The following SULF2 variants were observed in gnomAD, a reference collection of about 807,000 sequenced individuals.
The protein encoded by SULF2 is sulfatase 2.
SULF2 carries 52 observed loss-of-function variants against 107.7 expected under a neutral mutation model. That is an observed-to-expected ratio of 0.48 (90% CI 0.39 to 0.61). The LOEUF (loss-of-function observed/expected upper bound fraction) is 0.61. Ranked by LOEUF, SULF2 falls within the 20% of genes least tolerant of loss-of-function variation. The pLI is 0.00. For missense variants in SULF2, 993 were observed against 1,177.3 expected, an observed-to-expected ratio of 0.84 and a Z score of 2.29; for synonymous variants, 460 against 464.3, an observed-to-expected ratio of 0.99 and a Z score of 0.12.
intron 5 of SULF2, among the ~76,000 whole-genome samples, chr20:47,687,724 T>C (rs1278007760): frequency 6.6e-6 from 1 of 151,926 alleles, no homozygotes; most frequent in Non-Finnish European, 1.5e-5. Context: ...TTTTTTTTTT[T>C]CGAGACAGGG....
In SULF2 at chr20:47,711,504, C is replaced by T. The variant is rs541816432; in HGVS notation, c.416-8834G>A. Among the ~76,000 whole-genome samples, 9 of 152,342 alleles carry T rather than the reference C, an allele frequency of 5.9e-5. No homozygotes were observed. The East Asian group carries it at 1.7e-3, about 29-fold the overall frequency. On this transcript the variant is annotated intron_variant, in intron 3 of 20. Coordinates refer to ENST00000688720, the MANE Select transcript of SULF2 (RefSeq NM_001387048.1). ...GCACCCGCTGCTTTCGGAGGACTTT[C>T]TCTCCCCCACGACGGGCCATCTGGC...
chr20:47,665,326 C>G, intron 13 of SULF2, 33 bp from the exon 14 acceptor site: 1 of 1,378,578 alleles, frequency 7.3e-7, no homozygotes, highest in Non-Finnish European at 1.0e-6. Flanking sequence ...GGCCTTGAAA[C>G]CTTCAAGGCT....
intron 2 of SULF2, among the ~76,000 whole-genome samples, chr20:47,754,816 G>A (rs772355703): frequency 1.1e-4 from 17 of 152,174 alleles, no homozygotes; most frequent in Non-Finnish European, 2.2e-4. Context: ...CTAAGATCAC[G>A]CGTTCTGGGT....
intron 17 of SULF2, among the ~76,000 whole-genome samples, chr20:47,662,651 T>C (rs1410843820): frequency 1.3e-5 from 2 of 152,230 alleles, no homozygotes; most frequent in Non-Finnish European, 2.9e-5. Flanking sequence ...TTAGATGGCT[T>C]ACTGTACGGA....
chr20:47,679,617 C>T (rs1335636687), intron 7 of SULF2, among the ~76,000 whole-genome samples: 1 of 152,194 alleles, frequency 6.6e-6, no homozygotes, highest in Non-Finnish European at 1.5e-5. Context: ...CCTCTGCTTG[C>T]ACTTGACCTG....
intron 13 of SULF2, 59 bp downstream of exon 13, chr20:47,665,798 G>C: frequency 1.4e-6 from 2 of 1,446,398 alleles, no homozygotes; most frequent in East Asian, 2.3e-5. Context: ...ACTGTGAACC[G>C]GGGGTCCTGC....
At chr20:47,768,229 G>A (rs1177238726) in intron 1 of SULF2, among the ~76,000 whole-genome samples, 2 of 152,220 alleles carry the variant, frequency 1.3e-5, no homozygotes, top group South Asian at 2.1e-4. Flanking sequence ...ACACAGCAGT[G>A]CTGTGAAATG....
At chr20:47,664,614 GTGTTTTGCAACAC>G (rs2087200875) in intron 14 of SULF2, among the ~76,000 whole-genome samples, 2 of 152,198 alleles carry the variant, frequency 1.3e-5, no homozygotes, top group South Asian at 4.1e-4. Flanking sequence ...AGGGAAGCCT[GTGTTTTGCAACAC>G]TTTCTGGAAA....
At chr20:47,691,511 C>T (rs1306573384) in intron 4 of SULF2, among the ~76,000 whole-genome samples, 9 of 152,170 alleles carry the variant, frequency 5.9e-5, no homozygotes, top group Non-Finnish European at 2.9e-5. Flanking sequence ...GCCCAGGTAT[C>T]AGACTTTTAA....
At chr20:47,767,888 G>A (rs113025183) in intron 1 of SULF2, among the ~76,000 whole-genome samples, 2,913 of 148,726 alleles carry the variant, frequency 0.02, 48 homozygotes, top group South Asian at 0.04. Context: ...CAGCCTAGGC[G>A]ACAGAGCAAG....
chr20:47,675,315 A>G (rs2146462172), intron 10 of SULF2, among the ~76,000 whole-genome samples: 1 of 152,300 alleles, frequency 6.6e-6, no homozygotes, highest in South Asian at 2.1e-4. Flanking sequence ...AGCATGTTCG[A>G]GGCTGTGGCC....
chr20:47,763,649 G>A (rs1205939586), intron 1 of SULF2, among the ~76,000 whole-genome samples: 1 of 152,146 alleles, frequency 6.6e-6, no homozygotes, highest in Non-Finnish European at 1.5e-5. Flanking sequence ...CAGACCTAGC[G>A]GCCTCCCCAG....
rs146753831 is a variant in SULF2, at chr20:47,766,749, C to T, written c.-100-9286G>A. Among the ~76,000 whole-genome samples, 10 of 152,290 alleles carry T rather than the reference C, an allele frequency of 6.6e-5. No homozygotes were observed. In the East Asian group the frequency reaches 9.6e-4, roughly 15 times the overall value. On this transcript the variant is annotated intron_variant, in intron 1 of 20. Transcript: ENST00000688720. The stretch of plus-strand genomic sequence containing the variant: ...AGGACTGGAAATAATGGCAAACCAC[C>T]GGCAAGCTGTGAGAACAGAGTGGCC...
chr20:47,755,867 T>C (rs1013404199), intron 2 of SULF2, among the ~76,000 whole-genome samples: 2 of 150,534 alleles, frequency 1.3e-5, no homozygotes, highest in Non-Finnish European at 2.9e-5. Flanking sequence ...CTCAGCTTCA[T>C]CTCTCTCCAT....
intron 2 of SULF2, among the ~76,000 whole-genome samples, chr20:47,741,690 C>G (rs1015060824): frequency 6.6e-6 from 1 of 152,162 alleles, no homozygotes; most frequent in Non-Finnish European, 1.5e-5. Flanking sequence ...TCCCTAGTCC[C>G]AAACACGAAG....
intron 3 of SULF2, among the ~76,000 whole-genome samples, chr20:47,720,548 C>CTTT (rs11303096): frequency 8.4e-5 from 12 of 143,388 alleles, no homozygotes; most frequent in African/African-American, 2.3e-4. Context: ...CTATCATAAT[C>CTTT]TTTTTTTTTT....
At chr20:47,726,995 G>A (rs536235866) in intron 3 of SULF2, among the ~76,000 whole-genome samples, 2 of 152,224 alleles carry the variant, frequency 1.3e-5, no homozygotes, top group South Asian at 2.1e-4. Flanking sequence ...GACCACAGCT[G>A]GGGCAGTGAA....
Position 47,677,075 on chromosome 20 carries a change from C to T in SULF2, c.1250+3G>A. Reference sequence around the variant, plus strand: ...GGTGTCCCTCCCAGGACCCGGCACTCACCCTCTCTCCACCAAGAAGGAGTC... The same window carrying T: ...GGTGTCCCTCCCAGGACCCGGCACTTACCCTCTCTCCACCAAGAAGGAGTC... On this transcript the variant is annotated splice_donor_region_variant and intron_variant, in intron 9 of 20. Coordinates refer to ENST00000688720, the MANE Select transcript of SULF2 (RefSeq NM_001387048.1). The T allele has an allele frequency of 1.2e-6, 2 of 1,612,832 alleles. No individual in the cohort carries two copies. The highest frequency in any genetic ancestry group is 1.7e-6 in the Non-Finnish European group (2 of 1,179,724).
intron 11 of SULF2, among the ~76,000 whole-genome samples, chr20:47,669,713 G>T (rs1489924775): frequency 1.3e-5 from 2 of 152,156 alleles, no homozygotes; most frequent in Non-Finnish European, 2.9e-5. Context: ...TGCTCACAGG[G>T]CTGTTGAGAG....
Sources: allele counts gnomAD v4.1 joint callset (sites outside exome capture counted in the v4.1 genomes callset), GRCh38; gene constraint gnomAD v4.1.1; transcripts MANE v1.5; gene names NCBI Gene and HGNC (gene_info 2026-07-23, HGNC 2026-07-21).